The following ABCB4 variants were observed in gnomAD, a reference collection of about 807,000 sequenced individuals.
ABCB4 encodes phosphatidylcholine translocator ABCB4.
ABCB4 carries 76 observed loss-of-function variants against 145.7 expected under a neutral mutation model. That is an observed-to-expected ratio of 0.52 (90% CI 0.43 to 0.63). The LOEUF (loss-of-function observed/expected upper bound fraction) is 0.63, where lower values mean the gene tolerates loss of function less well. Ranked by LOEUF, ABCB4 falls within the 30% of genes least tolerant of loss-of-function variation. ABCB4 has a pLI of 0.00. For synonymous variants in ABCB4, 517 were observed against 566.8 expected (o/e 0.91, Z 1.25); for missense variants, 1,234 against 1,553.1 (o/e 0.79, Z 3.45).
At chr7:87,405,427 C>CTTT (rs55698863) in intron 26 of ABCB4, among the ~76,000 whole-genome samples, 11 of 133,874 alleles carry the variant, frequency 8.2e-5, no homozygotes, top group Non-Finnish European at 1.1e-4. Flanking sequence ...TGTTCTGTAT[C>CTTT]TTTTTTTTTT....
Position 87,407,842 on chromosome 7 carries a change from G to C in ABCB4, c.3279+195C>G, listed in dbSNP as rs45443210. 0.13 allele frequency among the ~76,000 whole-genome samples: 20,086 copies of C among 152,220 alleles called. 1,877 individuals are homozygous for C. Among genetic ancestry groups the C allele is most frequent in the African/African-American group, 0.27 (11,065 of 41,526 alleles). On this transcript the variant is annotated intron_variant, in intron 25 of 27. Coordinates refer to ENST00000649586, the MANE Select transcript of ABCB4 (RefSeq NM_000443.4). The stretch of plus-strand genomic sequence containing the variant: ...CTTATATTCAGTATTTTCTGAGCTA[G>C]ACTGAATTCCAGACATTCTGTCCTA...
intron 13 of ABCB4, 24 bp from the exon 14 acceptor site, chr7:87,439,861 C>A: frequency 6.2e-7 from 1 of 1,614,100 alleles, no homozygotes; most frequent in Non-Finnish European, 8.5e-7. Context: ...CATGGATCAG[C>A]TCTTGAAGTA....
the ABCB4 span, among the ~76,000 whole-genome samples, chr7:87,392,208 G>A: frequency 0.062 from 9,393 of 152,156 alleles, 336 homozygotes; most frequent in South Asian, 0.16. Context: ...TTTGCTAGAT[G>A]TGGTTATATA....
the ABCB4 span, among the ~76,000 whole-genome samples, chr7:87,390,500 A>T: frequency 1.3e-5 from 2 of 152,180 alleles, no homozygotes; most frequent in African/African-American, 2.4e-5. Context: ...CTTTGAAGGG[A>T]TACCATTTCA....
rs778380044 is a variant in ABCB4, at chr7:87,452,953, C to T, written c.527G>A (p.Arg176Gln). The part of the protein sequence containing the change: ...DINDTTELNT[R>Q]LTDDISKISE... Reference sequence around the variant, plus strand: ...TTAACAATGTACCTACTCTGTTAGCCGCGTATTGAGTTCAGTGGTGTCGTT... The same window carrying T: ...TTAACAATGTACCTACTCTGTTAGCTGCGTATTGAGTTCAGTGGTGTCGTT... Residue 176 changes from arginine (R) to glutamine (Q), a missense_variant, in exon 6 of 28, where the codon CGG becomes CAG. Transcript: ENST00000649586. The T allele has an allele frequency of 6.8e-6, 11 of 1,613,708 alleles. No individual in the cohort carries two copies. Among genetic ancestry groups the T allele is most frequent in the East Asian group, 2.2e-5 (1 of 44,878 alleles).
the ABCB4 span, among the ~76,000 whole-genome samples, chr7:87,396,490 G>A: frequency 6.6e-6 from 1 of 152,096 alleles, no homozygotes; most frequent in Non-Finnish European, 1.5e-5. Context: ...TCTATGATAG[G>A]AGCATTGAAA....
chr7:87,446,094 T>C (rs1002595055), intron 9 of ABCB4, among the ~76,000 whole-genome samples: 3 of 152,066 alleles, frequency 2.0e-5, no homozygotes, highest in Admixed American at 6.6e-5. Flanking sequence ...GTGAGAAAAA[T>C]TAGACTCAGC....
chr7:87,462,628 A>C (rs2302386), intron 4 of ABCB4, 130 bp downstream of exon 4: 8 of 832,540 alleles, frequency 9.6e-6, no homozygotes, highest in Non-Finnish European at 1.4e-5. Context: ...AACTCCTTCT[A>C]TGATATCTGG....
At chr7:87,475,879 G>A (rs55679062), upstream of ABCB4, 15,646 of 152,444 alleles carry the variant, frequency 0.1, 1,447 homozygotes, top group African/African-American at 0.24. Flanking sequence ...CGCTCTTGCC[G>A]CCGGGGCGCC....
intron 2 of ABCB4, among the ~76,000 whole-genome samples, chr7:87,472,881 TAAG>T (rs1813529934): frequency 6.6e-6 from 1 of 152,170 alleles, no homozygotes; most frequent in Non-Finnish European, 1.5e-5. Context: ...CATGGATACA[TAAG>T]AAATGGTCGC....
chr7:87,377,608 T>C, the ABCB4 span, among the ~76,000 whole-genome samples: 1 of 152,206 alleles, frequency 6.6e-6, no homozygotes, highest in African/African-American at 2.4e-5. Flanking sequence ...ATTGAAAGTA[T>C]AGGACAAGTT....
chr7:87,424,132 A>G, intron 16 of ABCB4, 80 bp from the exon 17 acceptor site: 1 of 1,594,090 alleles, frequency 6.3e-7, no homozygotes, highest in Non-Finnish European at 8.6e-7. Flanking sequence ...AGGCATGGCC[A>G]TTGCCCTCAA....
At chr7:87,371,846 C>G in the ABCB4 span, among the ~76,000 whole-genome samples, 1 of 151,854 alleles carries the variant, frequency 6.6e-6, no homozygotes, top group Non-Finnish European at 1.5e-5. Flanking sequence ...AAAAAATTAG[C>G]TGGACATGAT....
intron 16 of ABCB4, among the ~76,000 whole-genome samples, chr7:87,425,030 G>A (rs45460695): frequency 0.018 from 2,691 of 151,082 alleles, 87 homozygotes; most frequent in African/African-American, 0.061. Flanking sequence ...CATTTTTTCT[G>A]TATTTCAGGG....
the ABCB4 span, among the ~76,000 whole-genome samples, chr7:87,368,189 G>GC: frequency 6.6e-6 from 1 of 152,124 alleles, no homozygotes; most frequent in African/African-American, 2.4e-5. Context: ...CACTTCTGCG[G>GC]GTATTTACAT....
At chr7:87,371,566 T>G in the ABCB4 span, among the ~76,000 whole-genome samples, 13 of 152,260 alleles carry the variant, frequency 8.5e-5, no homozygotes, top group African/African-American at 3.1e-4. Flanking sequence ...TCACATCATC[T>G]GATGTATACA....
the ABCB4 span, chr7:87,375,928 A>C: frequency 6.2e-7 from 1 of 1,611,336 alleles, no homozygotes; most frequent in South Asian, 1.1e-5. Context: ...AGCAGTCCAC[A>C]TGTAACACCA....
chr7:87,395,004 A>G, the ABCB4 span, among the ~76,000 whole-genome samples: 1 of 152,138 alleles, frequency 6.6e-6, no homozygotes, highest in Admixed American at 6.5e-5. Flanking sequence ...AAAATGCCAC[A>G]AAGGACATTT....
At chr7:87,447,983 C>T (rs1466010389) in intron 8 of ABCB4, among the ~76,000 whole-genome samples, 1 of 152,102 alleles carries the variant, frequency 6.6e-6, no homozygotes, top group Non-Finnish European at 1.5e-5. Context: ...TCATTGTGTT[C>T]AACTTTTATC....
Sources: gnomAD v4.1 joint callset for allele counts (sites outside exome capture counted in the v4.1 genomes callset) on GRCh38, gnomAD v4.1.1 for gene constraint, MANE v1.5 for transcripts, NCBI Gene and HGNC (gene_info 2026-07-23, HGNC 2026-07-21) for gene names.